NAPB: variants seen among roughly 807,000 people sequenced by gnomAD.
NAPB encodes the protein NSF attachment protein beta, also known as beta-soluble NSF attachment protein.
A neutral mutation model predicts 44.7 loss-of-function variants in NAPB; 26 were observed. The ratio of observed to expected loss-of-function variants is 0.58; its 90% CI spans 0.43 to 0.81. The LOEUF (loss-of-function observed/expected upper bound fraction) is 0.81. Ranked by LOEUF, NAPB falls within the 30% of genes least tolerant of loss-of-function variation. NAPB has a pLI of 0.00. For missense variants in NAPB, 315 were observed against 356.4 expected (o/e 0.88, Z 0.94); for synonymous variants, 120 against 116.8 (o/e 1.03, Z -0.18).
intron 5 of NAPB, among the ~76,000 whole-genome samples, chr20:23,393,959 G>A (rs1984161219): frequency 6.6e-6 from 1 of 152,134 alleles, no homozygotes; most frequent in Non-Finnish European, 1.5e-5. Flanking sequence ...ACAGCAAGGA[G>A]GCCAGGATGG....
At chr20:23,380,981 T>G in intron 8 of NAPB, 3 of 440,048 alleles carry the variant, frequency 6.8e-6, no homozygotes, top group East Asian at 4.7e-5. Flanking sequence ...TCAGACGAGA[T>G]TGGGTGTGTT....
chr20:23,414,407 C>T (rs368436712), intron 1 of NAPB, among the ~76,000 whole-genome samples: 3 of 152,138 alleles, frequency 2.0e-5, no homozygotes, highest in South Asian at 2.1e-4. Context: ...TCCAGGAGTG[C>T]GAGGACAGTA....
intron 1 of NAPB, among the ~76,000 whole-genome samples, chr20:23,403,970 C>A (rs1985052082): frequency 6.6e-6 from 1 of 152,056 alleles, no homozygotes; most frequent in Non-Finnish European, 1.5e-5. Context: ...TTTTGCAACA[C>A]CCTGAGAAAT....
At chr20:23,420,664 G>C (rs1393955516) in intron 1 of NAPB, among the ~76,000 whole-genome samples, 1 of 152,148 alleles carries the variant, frequency 6.6e-6, no homozygotes, top group Admixed American at 6.5e-5. Context: ...TACGCACTGA[G>C]AAGGGGGCCC....
At chr20:23,384,543 G>A (rs1381419730) in intron 7 of NAPB, among the ~76,000 whole-genome samples, 2 of 151,958 alleles carry the variant, frequency 1.3e-5, no homozygotes, top group Non-Finnish European at 2.9e-5. Context: ...GACTGCTTGA[G>A]GTTGGGAGGT....
intron 1 of NAPB, among the ~76,000 whole-genome samples, chr20:23,412,526 G>GC (rs1453439560): frequency 6.6e-6 from 1 of 152,094 alleles, no homozygotes; most frequent in African/African-American, 2.4e-5. Context: ...AAACACAGTA[G>GC]CCCCCTTTAT....
At chr20:23,394,146 C>A (rs949317560) in intron 5 of NAPB, among the ~76,000 whole-genome samples, 2 of 152,150 alleles carry the variant, frequency 1.3e-5, no homozygotes, top group African/African-American at 4.8e-5. Flanking sequence ...AGTAGAGAAA[C>A]AGAGTATGAT....
At position 23,384,520 on chromosome 20, in the gene NAPB, G is replaced by A. The variant is rs528235305; in HGVS notation, c.562-3203C>T. 5.3e-5 allele frequency among the ~76,000 whole-genome samples: 8 copies of A among 152,222 alleles called. No homozygotes were observed. In the East Asian group the frequency reaches 1.5e-3, roughly 29 times the overall value. On this transcript the variant is annotated intron_variant, in intron 7 of 10. Coordinates refer to ENST00000377026, the MANE Select transcript of NAPB (RefSeq NM_022080.3). ...AGTCTCAGCTATTCTGGAGGCTAAG[G>A]CTGAGGTGGGAGGACTGCTTGAGGT...
chr20:23,407,271 T>A (rs554051044), intron 1 of NAPB, among the ~76,000 whole-genome samples: 1 of 152,316 alleles, frequency 6.6e-6, no homozygotes, highest in East Asian at 1.9e-4. Flanking sequence ...TTTTTGTAAA[T>A]TTTATGGACA....
chr20:23,391,618 T>A (rs1342838620), intron 5 of NAPB, among the ~76,000 whole-genome samples: 1 of 152,220 alleles, frequency 6.6e-6, no homozygotes, highest in African/African-American at 2.4e-5. Context: ...GTTTTGTGCA[T>A]CTTTGTTGCA....
intron 10 of NAPB, 69 bp downstream of exon 10, chr20:23,379,376 G>T: frequency 8.2e-7 from 1 of 1,215,442 alleles, no homozygotes; most frequent in Non-Finnish European, 1.2e-6. Flanking sequence ...TTCACATAAT[G>T]AAAAGGAAAA....
In NAPB at chr20:23,389,946, C is replaced by A. The variant is rs1258384017; in HGVS notation, c.561G>T (p.Gln187His). The change falls in exon 7 of 11, where the codon CAG (glutamine) becomes CAT (histidine). Residue 187 changes from glutamine (Q) to histidine (H), a missense_variant and splice_region_variant. By Grantham distance (24) the Gln-to-His change is conservative. Around this residue, in one of 3 missense-constraint regions of NAPB, gnomAD observed 120 missense variants for 130.5 expected, o/e 0.92. Transcript: ENST00000377026. ...TCCAAGGAAACAACAGTATCCTCAC[C>A]TGCTCATAGATCTCAATGGCTTTCT... The part of the protein sequence containing the change: ...QYQKAIEIYE[Q>H]VGANTMDNPL... The A allele has an allele frequency of 6.2e-7, 1 of 1,613,524 alleles. No individual in the cohort carries two copies. The highest frequency in any genetic ancestry group is 2.2e-5 in the East Asian group (1 of 44,866).
chr20:23,383,357 G>A (rs1983194067), intron 7 of NAPB, among the ~76,000 whole-genome samples: 1 of 152,092 alleles, frequency 6.6e-6, no homozygotes, highest in Non-Finnish European at 1.5e-5. Flanking sequence ...TTATGAAAGT[G>A]TCTAGAGAAT....
intron 5 of NAPB, among the ~76,000 whole-genome samples, chr20:23,393,484 G>A (rs1331782917): frequency 1.3e-5 from 2 of 152,134 alleles, no homozygotes; most frequent in Non-Finnish European, 2.9e-5. Flanking sequence ...TGGTATGGTG[G>A]AGGTAGGGGT....
rs767623748 is a variant in NAPB at position 23,403,000 on chromosome 20, A to G, written c.171T>C (p.Asn57=). 1.9e-6 allele frequency: 3 copies of G among 1,613,232 alleles called. No homozygotes were observed. Among genetic ancestry groups the G allele is most frequent in the African/African-American group, 2.7e-5 (2 of 74,878 alleles). Reference sequence around the variant, plus strand: ...CAAAAACTTTGTACATACCACTCCAATTTTTAGCCATCTTGAACATATTTG... The same window carrying G: ...CAAAAACTTTGTACATACCACTCCAGTTTTTAGCCATCTTGAACATATTTG... ...RAANMFKMAK[N]WSAAGNAFCQ... The change falls in exon 2 of 11, where the codon AAT becomes AAC. Residue 57 remains asparagine (N), a synonymous_variant. Transcript: ENST00000377026.
intron 1 of NAPB, among the ~76,000 whole-genome samples, chr20:23,410,173 A>C (rs1176409499): frequency 6.6e-6 from 1 of 152,228 alleles, no homozygotes; most frequent in Non-Finnish European, 1.5e-5. Context: ...CTTGAAACAA[A>C]AGAGTATCAC....
intron 8 of NAPB, 141 bp from the exon 9 acceptor site, chr20:23,380,076 CAT>C: frequency 1.7e-6 from 1 of 593,214 alleles, no homozygotes; most frequent in Non-Finnish European, 2.9e-6. Context: ...GCAGAATCAA[CAT>C]AGAAAATCTT....
intron 1 of NAPB, among the ~76,000 whole-genome samples, chr20:23,403,848 C>A (rs1482669082): frequency 1.3e-5 from 2 of 152,156 alleles, no homozygotes; most frequent in African/African-American, 4.8e-5. Flanking sequence ...GAAGCCACGT[C>A]TTATGAGAAA....
At chr20:23,380,884 T>G (rs890349664) in intron 8 of NAPB, 1 of 184,302 alleles carries the variant, frequency 5.4e-6, no homozygotes, top group Non-Finnish European at 1.1e-5. Context: ...AGTGAACATA[T>G]ACATATATTT....
Sources: gnomAD v4.1 joint callset for allele counts (sites outside exome capture counted in the v4.1 genomes callset) on GRCh38, gnomAD v4.1.1 for gene constraint, gnomAD v4.1.1 regional missense constraint, MANE v1.5 for transcripts, NCBI Gene and HGNC (gene_info 2026-07-23, HGNC 2026-07-21) for gene names.